SEMA3F: variants seen among roughly 807,000 people sequenced by gnomAD.
The protein encoded by SEMA3F is semaphorin-3F.
SEMA3F carries 30 observed loss-of-function variants against 98.5 expected under a neutral mutation model. The observed-to-expected ratio is 0.30, with a 90% CI of 0.23 to 0.41. The LOEUF (loss-of-function observed/expected upper bound fraction) is 0.41, where lower values mean the gene tolerates loss of function less well. Ranked by LOEUF, SEMA3F falls within the 10% of genes least tolerant of loss-of-function variation. The pLI is 1.00. For missense variants in SEMA3F, 866 were observed against 1,119.3 expected (o/e 0.77, Z 3.23); for synonymous variants, 380 against 444.8 (o/e 0.85, Z 1.83).
chr3:50,157,785 G>A (rs1237319644), intron 1 of SEMA3F, among the ~76,000 whole-genome samples: 2 of 152,150 alleles, frequency 1.3e-5, no homozygotes, highest in African/African-American at 2.4e-5. Flanking sequence ...GACACATTGG[G>A]TGACTCCAAC....
intron 5 of SEMA3F, 77 bp downstream of exon 5, chr3:50,174,427 T>G: frequency 6.6e-7 from 1 of 1,511,254 alleles, no homozygotes; most frequent in Non-Finnish European, 8.9e-7. Context: ...AGGAGGGGCT[T>G]CAGCCCCAGC....
In SEMA3F at chr3:50,186,641, G is replaced by C; in HGVS notation, c.1842G>C (p.Gln614His). 6.2e-7 allele frequency: 1 copy of C among 1,606,924 alleles called. No homozygotes were observed. The highest frequency in any genetic ancestry group is 8.5e-7 in the Non-Finnish European group (1 of 1,174,178). Residue 614 changes from glutamine (Q) to histidine (H), a missense_variant, in exon 18 of 19, where the codon CAG becomes CAC. Coordinates refer to ENST00000002829, the MANE Select transcript of SEMA3F (RefSeq NM_004186.5). The stretch of plus-strand genomic sequence containing the variant: ...ACAAGAATGCCGTGGAGTCTGTGCA[G>C]TATGGCGTGGCCGGCAGCGCAGCCT... Reference protein sequence around the residue: ...NANKNAVESVQYGVAGSAAFL... With the variant: ...NANKNAVESVHYGVAGSAAFL...
chr3:50,186,416 G>A, intron 17 of SEMA3F, 68 bp downstream of exon 17: 1 of 1,520,912 alleles, frequency 6.6e-7, no homozygotes, highest in Non-Finnish European at 9.1e-7. Context: ...CCACGAAGCT[G>A]CTCACAGGGC....
In SEMA3F at chr3:50,182,893, C is replaced by G; in HGVS notation, c.904-11C>G. On this transcript the variant is annotated splice_polypyrimidine_tract_variant and intron_variant, in intron 9 of 18. Transcript: ENST00000002829. This position sits in a 1 kb window ranked among gnomAD's most constrained non-coding sequence, Gnocchi z 4.5. ...AGCTGATCTGACCCGGCCTCTTGCC[C>G]CACCCCCCAGAACGATGACGGTGGT... 3.7e-6 allele frequency: 6 copies of G among 1,613,220 alleles called. No homozygotes were observed. Among genetic ancestry groups the G allele is most frequent in the Non-Finnish European group, 5.1e-6 (6 of 1,179,500 alleles).
At chr3:50,155,236 C>A, upstream of SEMA3F, 1 of 335,636 alleles carries the variant, frequency 3.0e-6, no homozygotes, top group Non-Finnish European at 5.4e-6. This position sits in a 1 kb window ranked among gnomAD's most constrained non-coding sequence, Gnocchi z 4.9. Context: ...GCCGAGTGCG[C>A]GCCACCGCCC....
At position 50,182,882 on chromosome 3, in the gene SEMA3F, G is replaced by T; in HGVS notation, c.904-22G>T. 6.2e-7 allele frequency: 1 copy of T among 1,611,558 alleles called. No individual in the cohort carries two copies. Among genetic ancestry groups the T allele is most frequent in the Admixed American group, 1.7e-5 (1 of 60,006 alleles). ...TTGGGGTCAAGAGCTGATCTGACCC[G>T]GCCTCTTGCCCCACCCCCCAGAACG... On this transcript the variant is annotated intron_variant, in intron 9 of 18. Transcript: ENST00000002829. The surrounding 1 kb of genome is among the most constrained non-coding windows in gnomAD (Gnocchi z 4.5).
At chr3:50,183,103 G>C (rs1575405801) in intron 10 of SEMA3F, 83 bp from the exon 11 acceptor site, 4 of 1,566,776 alleles carry the variant, frequency 2.6e-6, no homozygotes, top group Non-Finnish European at 3.5e-6. Context: ...CCTTTGGTGG[G>C]CCCCCTCCCC....
chr3:50,176,822 C>A lies in SEMA3F; in HGVS notation c.604C>A (p.Pro202Thr). Residue 202 changes from proline to threonine, a missense_variant, in exon 7 of 19, where the codon CCG becomes ACG. Pro to Thr is a conservative substitution (Grantham distance 38, BLOSUM62 -1). This residue lies in a region of SEMA3F where 374 missense variants were observed against 582.8 expected (regional missense o/e 0.64). Coordinates refer to ENST00000002829, the MANE Select transcript of SEMA3F (RefSeq NM_004186.5). ...ERLESGKGKC[P>T]YDPKLDTASA... ...ACTCGAGTCAGGGAAGGGCAAGTGTCCGTACGATCCCAAGCTGGACACAGC... is the reference window on the plus strand; with the variant it reads ...ACTCGAGTCAGGGAAGGGCAAGTGTACGTACGATCCCAAGCTGGACACAGC... The A allele has an allele frequency of 6.2e-7, 1 of 1,613,792 alleles. No homozygotes were observed. Among genetic ancestry groups the A allele is most frequent in the Non-Finnish European group, 8.5e-7 (1 of 1,179,996 alleles).
chr3:50,186,759 G>T lies in SEMA3F; in HGVS notation c.1947+13G>T. ...CCGGCGCCGAGAGGTGAGTTCCTGC[G>T]CCCGGTGCTGCACCGTGGATGTGAG... is the stretch of plus-strand genomic sequence containing the variant. On this transcript the variant is annotated intron_variant, in intron 18 of 18. Coordinates refer to ENST00000002829, the MANE Select transcript of SEMA3F (RefSeq NM_004186.5). 1 of 1,591,384 alleles carries T rather than the reference G, an allele frequency of 6.3e-7. No homozygotes were observed. Among genetic ancestry groups the T allele is most frequent in the Non-Finnish European group, 8.6e-7 (1 of 1,163,684 alleles).
In SEMA3F at chr3:50,182,900, C is replaced by A. The variant is rs377522570; in HGVS notation, c.904-4C>A. On this transcript the variant is annotated splice_polypyrimidine_tract_variant and splice_region_variant and intron_variant, in intron 9 of 18. Transcript: ENST00000002829. The surrounding 1 kb of genome is among the most constrained non-coding windows in gnomAD (Gnocchi z 4.5). ...CTGACCCGGCCTCTTGCCCCACCCCCCAGAACGATGACGGTGGTCACTGTT... is the reference window on the plus strand; with the variant it reads ...CTGACCCGGCCTCTTGCCCCACCCCACAGAACGATGACGGTGGTCACTGTT... 2 of 1,613,740 alleles carry A rather than the reference C, an allele frequency of 1.2e-6. No individual in the cohort carries two copies. The highest frequency in any genetic ancestry group is 2.2e-5 in the South Asian group (2 of 91,076).
intron 7 of SEMA3F, among the ~76,000 whole-genome samples, chr3:50,178,124 C>A (rs529316696): frequency 1.1e-4 from 17 of 152,164 alleles, no homozygotes; most frequent in Non-Finnish European, 1.5e-5. Context: ...TGCCTGTAAT[C>A]CCAGCTACTA....
rs145957797 is a variant in SEMA3F at position 50,183,214 on chromosome 3, C to T, written c.1047C>T (p.Asp349=). 2.9e-5 allele frequency: 47 copies of T among 1,614,032 alleles called. No individual in the cohort carries two copies. Among genetic ancestry groups the T allele is most frequent in the African/African-American group, 1.9e-4 (14 of 74,946 alleles). Reference sequence around the variant, plus strand: ...ACGTGTTTGTCCAGCAGACCCAGGACGTGAGGAACCCTGTCATTTACGCTG... The same window carrying T: ...ACGTGTTTGTCCAGCAGACCCAGGATGTGAGGAACCCTGTCATTTACGCTG... ...LQDVFVQQTQ[D]VRNPVIYAVF... The change falls in exon 11 of 19, where the codon GAC becomes GAT. Residue 349 remains aspartate (D), a synonymous_variant. Transcript: ENST00000002829.
intron 6 of SEMA3F, among the ~76,000 whole-genome samples, chr3:50,175,412 G>T (rs537066966): frequency 1.3e-5 from 2 of 152,368 alleles, no homozygotes; most frequent in Non-Finnish European, 2.9e-5. Context: ...TAATGAAGCC[G>T]CCAGGTGGGG....
At chr3:50,168,708 G>C (rs1454600800) in intron 2 of SEMA3F, among the ~76,000 whole-genome samples, 1 of 152,164 alleles carries the variant, frequency 6.6e-6, no homozygotes, top group African/African-American at 2.4e-5. Context: ...ACAGCTTTGG[G>C]GGAGTGATAA....
rs777126431 is a variant in SEMA3F, at chr3:50,183,199, C to T, written c.1032C>T (p.Val344=). 8 of 1,614,028 alleles carry T rather than the reference C, an allele frequency of 5.0e-6. No individual in the cohort carries two copies. The highest frequency in any genetic ancestry group is 1.1e-5 in the South Asian group (1 of 91,094). The change falls in exon 11 of 19, where the codon GTC becomes GTT. Residue 344 remains valine, a synonymous_variant. Coordinates refer to ENST00000002829, the MANE Select transcript of SEMA3F (RefSeq NM_004186.5). Reference sequence around the variant, plus strand: ...CTCTGTCCCCAGAGGACGTGTTTGTCCAGCAGACCCAGGACGTGAGGAACC... The same window carrying T: ...CTCTGTCCCCAGAGGACGTGTTTGTTCAGCAGACCCAGGACGTGAGGAACC... ...THFDELQDVF[V]QQTQDVRNPV...
rs950533019 is a variant in SEMA3F, at chr3:50,176,868, GC to G, written c.643+13del. ...ACAGCATCGGCCCTCATCAGTGAGT[GC>G]CCCCCAACCCCGCTCTACAGTCTCA... On this transcript the variant is annotated splice_region_variant and intron_variant, in intron 7 of 18. Coordinates refer to ENST00000002829, the MANE Select transcript of SEMA3F (RefSeq NM_004186.5). 6 of 1,609,180 alleles carry G rather than the reference GC, an allele frequency of 3.7e-6. No homozygotes were observed. In the East Asian group the frequency reaches 1.3e-4, roughly 36 times the overall value.
At chr3:50,178,067 C>G (rs1698882598) in intron 7 of SEMA3F, among the ~76,000 whole-genome samples, 1 of 151,722 alleles carries the variant, frequency 6.6e-6, no homozygotes, top group African/African-American at 2.4e-5. Flanking sequence ...CATGGTGAAA[C>G]CTTGTCTCTA....
At chr3:50,185,328 AG>A in intron 13 of SEMA3F, 114 bp from the exon 14 acceptor site, 1 of 942,778 alleles carries the variant, frequency 1.1e-6, no homozygotes, top group Non-Finnish European at 1.6e-6. Context: ...CTTGGCACAA[AG>A]CTCCAGCTCC....
intron 7 of SEMA3F, among the ~76,000 whole-genome samples, chr3:50,178,737 C>T (rs1405810288): frequency 1.3e-5 from 2 of 149,226 alleles, no homozygotes; most frequent in South Asian, 2.2e-4. Context: ...AAAAAAAAAT[C>T]GGTAAACCAT....
Sources: allele counts gnomAD v4.1 joint callset (sites outside exome capture counted in the v4.1 genomes callset), GRCh38; gene constraint gnomAD v4.1.1; regional missense constraint gnomAD v4.1.1; non-coding constraint Gnocchi (gnomAD v3.1); transcripts MANE v1.5; gene names NCBI Gene and HGNC (gene_info 2026-07-23, HGNC 2026-07-21).